Variants in LY75 observed in about 807,000 individuals in gnomAD.
LY75 encodes the protein C-type lectin domain family 13 member B.
A neutral mutation model predicts 231.7 loss-of-function variants in LY75; 185 were observed. The ratio of observed to expected loss-of-function variants is 0.80; its 90% CI spans 0.71 to 0.90. The LOEUF (loss-of-function observed/expected upper bound fraction) is 0.90, where lower values mean the gene tolerates loss of function less well. Ranked by LOEUF, LY75 falls within the 40% of genes least tolerant of loss-of-function variation. The pLI is 0.00. For synonymous variants in LY75, 668 were observed against 689.0 expected, an observed-to-expected ratio of 0.97 and a Z score of 0.48; for missense variants, 1,947 against 2,050.2, an observed-to-expected ratio of 0.95 and a Z score of 0.97.
chr2:159,852,566 A>C (rs982956324), intron 20 of LY75, among the ~76,000 whole-genome samples: 22 of 151,930 alleles, frequency 1.4e-4, no homozygotes, highest in African/African-American at 5.3e-4. Context: ...TTGCAGGTGC[A>C]TGCTGCCACA....
intron 23 of LY75, among the ~76,000 whole-genome samples, chr2:159,846,997 A>G (rs13393895): frequency 6.6e-6 from 1 of 152,068 alleles, no homozygotes; most frequent in Non-Finnish European, 1.5e-5. Flanking sequence ...AGGCAATTTT[A>G]TTTTCTCTCT....
intron 32 of LY75, 126 bp downstream of exon 32, chr2:159,810,400 C>T (rs141440866): frequency 1.6e-5 from 20 of 1,283,658 alleles, no homozygotes; most frequent in South Asian, 7.7e-5. Flanking sequence ...TAGTTTATAG[C>T]GCTATTAGAA....
At chr2:159,832,320 G>A (rs1233007038) in intron 27 of LY75, among the ~76,000 whole-genome samples, 5 of 152,148 alleles carry the variant, frequency 3.3e-5, no homozygotes, top group Non-Finnish European at 5.9e-5. Context: ...GAGCACTGTG[G>A]CATTAGATTG....
At chr2:159,859,934 A>G (rs1158546) in intron 15 of LY75, among the ~76,000 whole-genome samples, 132,441 of 152,182 alleles carry the variant, frequency 0.87, 59,343 homozygotes, top group East Asian at 1. Context: ...TTATTCTTTC[A>G]TAATATTCTT....
intron 25 of LY75, among the ~76,000 whole-genome samples, chr2:159,837,518 G>A (rs1231817466): frequency 6.6e-6 from 1 of 152,156 alleles, no homozygotes; most frequent in Admixed American, 6.5e-5. Flanking sequence ...AGCAAGGGTT[G>A]AAACACTACC....
At chr2:159,874,123 T>TG (rs1266201298) in intron 12 of LY75, among the ~76,000 whole-genome samples, 2 of 125,348 alleles carry the variant, frequency 1.6e-5, no homozygotes, top group African/African-American at 6.3e-5. Flanking sequence ...ATATATTTTG[T>TG]AAATATATAA....
chr2:159,874,623 T>TAAATATATATATTTTGTAAATATATAC (rs1377713337), intron 12 of LY75, among the ~76,000 whole-genome samples: 1 of 44,824 alleles, frequency 2.2e-5, no homozygotes, highest in African/African-American at 6.6e-5. Context: ...TAAATATATA[T>TAAATATATATATTTTGTAAATATATAC]ATAGTAAATA....
intron 3 of LY75, among the ~76,000 whole-genome samples, chr2:159,892,171 C>T (rs1685779069): frequency 6.6e-6 from 1 of 152,170 alleles, no homozygotes. Flanking sequence ...CTAACAAACT[C>T]TCCATGTGAT....
chr2:159,861,895 C>T (rs951844430), intron 14 of LY75, among the ~76,000 whole-genome samples: 2 of 151,796 alleles, frequency 1.3e-5, no homozygotes, highest in African/African-American at 4.8e-5. Context: ...TGGCTCACAC[C>T]TGTAATTCCA....
At chr2:159,899,130 G>T in intron 1 of LY75, 71 bp from the exon 2 acceptor site, 1 of 1,557,356 alleles carries the variant, frequency 6.4e-7, no homozygotes, top group East Asian at 2.2e-5. Context: ...GCTGAGGAGA[G>T]TCTGAGCACT....
chr2:159,852,512 A>G (rs1684434940), intron 20 of LY75, among the ~76,000 whole-genome samples, 172 bp from the exon 21 acceptor site: 2 of 151,082 alleles, frequency 1.3e-5, no homozygotes, highest in Non-Finnish European at 1.5e-5. Context: ...TCCACCTCCC[A>G]GATTCAAGTG....
At chr2:159,835,737 T>C in intron 25 of LY75, 92 bp from the exon 26 acceptor site, 1 of 1,475,962 alleles carries the variant, frequency 6.8e-7, no homozygotes, top group Non-Finnish European at 9.1e-7. Context: ...TGATTTTTAA[T>C]TTTTTTAATA....
intron 29 of LY75, among the ~76,000 whole-genome samples, chr2:159,818,049 CA>C (rs1298844968): frequency 2.0e-5 from 3 of 150,010 alleles, no homozygotes; most frequent in African/African-American, 4.9e-5. Context: ...ACTCCATCTC[CA>C]AAAAAATAAA....
At position 159,872,403 on chromosome 2, in the gene LY75, T is replaced by C. The variant is rs755302833; in HGVS notation, c.2117+48A>G. The C allele has an allele frequency of 2.2e-5, 35 of 1,603,450 alleles. 1 individual carries two copies. In the East Asian group the frequency reaches 7.8e-4, roughly 36 times the overall value. ...TAAGAACATGTCAATTTTGAATATC[T>C]AGAGGACATCAAATTCAGCATAGAA... On this transcript the variant is annotated intron_variant, in intron 13 of 34. Transcript: ENST00000263636.
Position 159,858,651 on chromosome 2 carries a change from G to T in LY75, c.2269-175C>A, listed in dbSNP as rs549306217. On this transcript the variant is annotated intron_variant, in intron 15 of 34. Transcript: ENST00000263636. The stretch of plus-strand genomic sequence containing the variant: ...TTAAACAGTAATACCCTGAGCAAGA[G>T]CCCTCAAAGGGGCTAACAAAGGAAA... 8.0e-4 allele frequency among the ~76,000 whole-genome samples: 122 copies of T among 152,306 alleles called. 1 individual carries two copies. The highest frequency in any genetic ancestry group is 2.8e-3 in the African/African-American group (116 of 41,566).
intron 4 of LY75, among the ~76,000 whole-genome samples, 157 bp downstream of exon 4, chr2:159,890,056 A>G (rs765638324): frequency 2.6e-5 from 4 of 152,232 alleles, no homozygotes; most frequent in Non-Finnish European, 5.9e-5. Context: ...GATTACATTC[A>G]GTACTTTTTT....
At position 159,819,838 on chromosome 2, in the gene LY75, C is replaced by G. The variant is rs1683231078; in HGVS notation, c.4041G>C (p.Lys1347Asn). 1.9e-6 allele frequency: 3 copies of G among 1,614,066 alleles called. No homozygotes were observed. Among genetic ancestry groups the G allele is most frequent in the Admixed American group, 1.7e-5 (1 of 60,020 alleles). The change falls in exon 29 of 35, where the codon AAG becomes AAC. Residue 1347 changes from lysine (K) to asparagine (N), a missense_variant. Coordinates refer to ENST00000263636, the MANE Select transcript of LY75 (RefSeq NM_002349.4). ...CGTCAGTACTTAAACCAGCCAAAAA[C>G]TTCTCATTTTTTATAGTTGGTCTTC... ...RAGRPTIKNE[K>N]FLAGLSTDGF...
In LY75 at chr2:159,852,274, G is replaced by A. The variant is rs772269318; in HGVS notation, c.2810C>T (p.Ser937Leu). ...PFICEKYNVSSLEKYSPDSAA... is the reference protein window; with the variant it reads ...PFICEKYNVSLLEKYSPDSAA... ...AGAATCTGGGCTGTATTTCTCTAACGAAGAAACATTATATTTTTCACAGAT... is the reference window on the plus strand; with the variant it reads ...AGAATCTGGGCTGTATTTCTCTAACAAAGAAACATTATATTTTTCACAGAT... The change falls in exon 21 of 35, where the codon TCG becomes TTG. Residue 937 changes from serine (S) to leucine (L), a missense_variant. Physicochemically the swap from Ser to Leu is moderately radical, Grantham distance 145. Coordinates refer to ENST00000263636, the MANE Select transcript of LY75 (RefSeq NM_002349.4). The A allele has an allele frequency of 3.7e-6, 6 of 1,613,974 alleles. No individual in the cohort carries two copies. Among genetic ancestry groups the A allele is most frequent in the East Asian group, 4.5e-5 (2 of 44,858 alleles).
intron 23 of LY75, among the ~76,000 whole-genome samples, chr2:159,849,299 A>G (rs1684309200): frequency 6.6e-6 from 1 of 152,164 alleles, no homozygotes; most frequent in Non-Finnish European, 1.5e-5. Flanking sequence ...CTGCATCCAG[A>G]AAGTATAGAG....
Sources: allele counts gnomAD v4.1 joint callset (sites outside exome capture counted in the v4.1 genomes callset), GRCh38; gene constraint gnomAD v4.1.1; transcripts MANE v1.5; gene names NCBI Gene and HGNC (gene_info 2026-07-23, HGNC 2026-07-21).